Variants in STPG2 observed in about 807,000 individuals in gnomAD.
The protein encoded by STPG2 is sperm tail PG-rich repeat containing 2, also known as sperm-tail PG-rich repeat-containing protein 2.
In STPG2, 56 loss-of-function variants were observed where a neutral mutation model predicts 54.2. That is an observed-to-expected ratio of 1.03 (90% CI 0.83 to 1.29). The LOEUF (loss-of-function observed/expected upper bound fraction) is 1.29, where lower values mean the gene tolerates loss of function less well. Among genes scored for constraint, STPG2 ranks in the 50% most tolerant of loss-of-function variants. STPG2 has a pLI of 0.00. For missense variants in STPG2, 596 were observed against 544.9 expected, an observed-to-expected ratio of 1.09 and a Z score of -0.93; for synonymous variants, 200 against 181.8, an observed-to-expected ratio of 1.10 and a Z score of -0.81.
At chr4:97,561,710 T>A (rs1419635139) in intron 10 of STPG2, among the ~76,000 whole-genome samples, 2 of 152,226 alleles carry the variant, frequency 1.3e-5, no homozygotes, top group Non-Finnish European at 2.9e-5. Flanking sequence ...CCTTTCCCCA[T>A]TGCTTGTTTT....
intron 9 of STPG2, among the ~76,000 whole-genome samples, chr4:97,732,422 C>A (rs963679640): frequency 6.6e-6 from 1 of 152,164 alleles, no homozygotes; most frequent in South Asian, 2.1e-4. Context: ...GTTTTCCCAG[C>A]ACACCATTTA....
intron 5 of STPG2, among the ~76,000 whole-genome samples, chr4:98,077,225 T>TTGTTG (rs1738195606): frequency 1.8e-3 from 269 of 148,680 alleles, no homozygotes; most frequent in African/African-American, 6.5e-3. Flanking sequence ...CCTCAATAGT[T>TTGTTG]TTGTTGTTGT....
intron 10 of STPG2, among the ~76,000 whole-genome samples, chr4:97,563,033 G>A (rs1310202511): frequency 1.3e-5 from 2 of 152,092 alleles, no homozygotes. Context: ...GTTCCTCCTT[G>A]TACCTCTGGT....
At chr4:97,533,327 T>A (rs1427177046) in intron 4 of STPG2, among the ~76,000 whole-genome samples, 2 of 152,184 alleles carry the variant, frequency 1.3e-5, no homozygotes, top group Non-Finnish European at 2.9e-5. Context: ...ACTTAGTATT[T>A]CTATTATCCT....
chr4:98,088,673 A>G (rs1213707786), intron 5 of STPG2, among the ~76,000 whole-genome samples: 10 of 20,290 alleles, frequency 4.9e-4, no homozygotes, highest in African/African-American at 1.3e-3. Context: ...CCTTTAGGGG[A>G]AAAAAAAAAA....
intron 4 of STPG2, among the ~76,000 whole-genome samples, chr4:98,107,546 G>A (rs2110142347): frequency 6.8e-6 from 1 of 147,930 alleles, no homozygotes; most frequent in Non-Finnish European, 1.5e-5. Flanking sequence ...ACAAATGGGG[G>A]AGGAATGAGA....
chr4:98,001,827 AC>A (rs1735423201), intron 5 of STPG2, among the ~76,000 whole-genome samples: 1 of 152,146 alleles, frequency 6.6e-6, no homozygotes, highest in Non-Finnish European at 1.5e-5. Context: ...TTCACAAGTT[AC>A]AAACATTGGC....
chr4:97,462,617 C>A (rs868267341), intron 4 of STPG2, among the ~76,000 whole-genome samples: 17 of 151,876 alleles, frequency 1.1e-4, no homozygotes, highest in African/African-American at 4.1e-4. Flanking sequence ...AGGTCTTGTG[C>A]ATCTTTTGTT....
chr4:98,009,661 T>C (rs928735642), intron 5 of STPG2, among the ~76,000 whole-genome samples: 4 of 152,068 alleles, frequency 2.6e-5, no homozygotes. Context: ...GATAATGATA[T>C]ATCCATTGTT....
chr4:97,738,846 T>C (rs1725116725), intron 9 of STPG2, among the ~76,000 whole-genome samples: 1 of 152,072 alleles, frequency 6.6e-6, no homozygotes, highest in Admixed American at 6.5e-5. Flanking sequence ...TGAACTCAGC[T>C]CTGCACCAAG....
intron 8 of STPG2, among the ~76,000 whole-genome samples, chr4:97,909,542 A>G (rs1235520906): frequency 6.6e-6 from 1 of 152,192 alleles, no homozygotes. Flanking sequence ...CCACAAAAAT[A>G]GAAACAAAAG....
At chr4:98,098,085 T>C (rs1036276481) in intron 5 of STPG2, among the ~76,000 whole-genome samples, 2 of 152,086 alleles carry the variant, frequency 1.3e-5, no homozygotes, top group African/African-American at 2.4e-5. Flanking sequence ...CCTATCAAGA[T>C]ACCAATGACA....
At chr4:97,950,649 T>C (rs1316570534) in intron 7 of STPG2, among the ~76,000 whole-genome samples, 1 of 152,200 alleles carries the variant, frequency 6.6e-6, no homozygotes, top group Non-Finnish European at 1.5e-5. Flanking sequence ...CATTGCAAAA[T>C]TATAACTGAG....
chr4:97,973,883 G>A lies in STPG2; in HGVS notation c.773-1443C>T, dbSNP rs186267910. ...TGCTAGGGGATTGTAGAAGGAAAATGTGCAGTTAGAGCCACCACACAGAGT... is the reference window on the plus strand; with the variant it reads ...TGCTAGGGGATTGTAGAAGGAAAATATGCAGTTAGAGCCACCACACAGAGT... On this transcript the variant is annotated intron_variant, in intron 6 of 10. Transcript: ENST00000295268. 3.7e-3 allele frequency among the ~76,000 whole-genome samples: 557 copies of A among 152,312 alleles called. 1 individual carries two copies. Among genetic ancestry groups the A allele is most frequent in the Non-Finnish European group, 5.7e-3 (386 of 68,016 alleles).
At chr4:97,782,168 T>C (rs2149072608) in intron 9 of STPG2, among the ~76,000 whole-genome samples, 1 of 152,316 alleles carries the variant, frequency 6.6e-6, no homozygotes, top group African/African-American at 2.4e-5. Flanking sequence ...GACATGATTG[T>C]ATATTTAGAA....
intron 1 of STPG2, among the ~76,000 whole-genome samples, chr4:98,140,809 C>CA (rs957653648): frequency 1.3e-5 from 2 of 151,602 alleles, no homozygotes; most frequent in African/African-American, 2.4e-5. Flanking sequence ...TCAACAGCAA[C>CA]AAAAAAAGAA....
At chr4:97,903,103 C>T (rs987431664) in intron 8 of STPG2, among the ~76,000 whole-genome samples, 1 of 152,054 alleles carries the variant, frequency 6.6e-6, no homozygotes, top group African/African-American at 2.4e-5. Flanking sequence ...GGTTCAAACT[C>T]GAAGTTACAA....
At chr4:97,480,558 C>T (rs1730194647) in intron 4 of STPG2, among the ~76,000 whole-genome samples, 1 of 151,490 alleles carries the variant, frequency 6.6e-6, no homozygotes, top group Non-Finnish European at 1.5e-5. Flanking sequence ...TTATAATTCC[C>T]ACTAGAAATG....
intron 10 of STPG2, among the ~76,000 whole-genome samples, chr4:97,571,990 C>CA (rs1366094552): frequency 6.6e-6 from 1 of 152,144 alleles, no homozygotes; most frequent in Admixed American, 6.6e-5. Flanking sequence ...CCATTTGCTA[C>CA]ACAATGGTGT....
Sources: allele counts gnomAD v4.1 joint callset (sites outside exome capture counted in the v4.1 genomes callset), GRCh38; gene constraint gnomAD v4.1.1; transcripts MANE v1.5; gene names NCBI Gene and HGNC (gene_info 2026-07-23, HGNC 2026-07-21).